PBX3: variants seen among roughly 807,000 people sequenced by gnomAD.
PBX3 encodes PBX homeobox 3.
Under a neutral mutation model 48.5 loss-of-function variants are expected in PBX3, and 14 were observed. The ratio of observed to expected loss-of-function variants is 0.29; its 90% CI spans 0.19 to 0.45. The LOEUF is 0.45. Among genes scored for constraint, PBX3 ranks in the 20% least tolerant of loss-of-function variants. PBX3 has a pLI of 1.00. For synonymous variants in PBX3, 210 were observed against 200.3 expected (o/e 1.05, Z -0.41); for missense variants, 386 against 546.7 (o/e 0.71, Z 2.93).
At chr9:125,929,905 A>AT in intron 4 of PBX3, 60 bp downstream of exon 4, 1 of 1,316,428 alleles carries the variant, frequency 7.6e-7, no homozygotes, top group Non-Finnish European at 1.1e-6. Context: ...CTTGTGTATT[A>AT]TTTTCTGTAA....
intron 7 of PBX3, among the ~76,000 whole-genome samples, 156 bp downstream of exon 7, chr9:125,962,370 A>G (rs1374623017): frequency 6.6e-6 from 1 of 152,222 alleles, no homozygotes; most frequent in Non-Finnish European, 1.5e-5. Flanking sequence ...TAATTTAATG[A>G]GAAGTCAAGT....
chr9:125,760,380 C>T (rs190809192), intron 2 of PBX3, among the ~76,000 whole-genome samples: 71 of 151,458 alleles, frequency 4.7e-4, no homozygotes, highest in Non-Finnish European at 8.2e-4. Flanking sequence ...CAGGAAAATA[C>T]TGTTTGTGTA....
intron 3 of PBX3, among the ~76,000 whole-genome samples, chr9:125,928,526 C>T (rs534157238): frequency 3.1e-4 from 47 of 150,412 alleles, no homozygotes; most frequent in East Asian, 9.8e-4. Flanking sequence ...AGTGCAGTGG[C>T]GCGATCTCGG....
chr9:125,881,398 G>T (rs545787891), intron 2 of PBX3, among the ~76,000 whole-genome samples: 2 of 152,286 alleles, frequency 1.3e-5, no homozygotes, highest in Admixed American at 1.3e-4. Context: ...CTGACTCTAG[G>T]ATAGGAGTAT....
chr9:125,835,840 C>T (rs763817316), intron 2 of PBX3, among the ~76,000 whole-genome samples: 1 of 152,100 alleles, frequency 6.6e-6, no homozygotes, highest in Non-Finnish European at 1.5e-5. Flanking sequence ...TGGTAATCAC[C>T]CTGCTGGGCA....
chr9:125,748,001 C>G (rs931992793), intron 1 of PBX3, among the ~76,000 whole-genome samples: 1 of 151,718 alleles, frequency 6.6e-6, no homozygotes, highest in African/African-American at 2.4e-5. Context: ...ACTTTCTCCT[C>G]CGGCGGGGAG....
intron 2 of PBX3, among the ~76,000 whole-genome samples, chr9:125,793,210 G>A (rs1837663072): frequency 6.6e-6 from 1 of 150,470 alleles, no homozygotes; most frequent in South Asian, 2.1e-4. Context: ...AAATTAGCCA[G>A]GCGTGGTGGT....
intron 2 of PBX3, among the ~76,000 whole-genome samples, chr9:125,751,316 T>A (rs190278232): frequency 0.014 from 2,073 of 152,186 alleles, 16 homozygotes; most frequent in South Asian, 0.017. Flanking sequence ...AAAATCATTT[T>A]AAAAAAAATC....
At chr9:125,876,600 G>T (rs1840253161) in intron 2 of PBX3, among the ~76,000 whole-genome samples, 1 of 152,032 alleles carries the variant, frequency 6.6e-6, no homozygotes, top group Admixed American at 6.5e-5. Context: ...TCCAAAATAG[G>T]TGTTAATCGA....
At chr9:125,794,006 A>G (rs1419598025) in intron 2 of PBX3, among the ~76,000 whole-genome samples, 3 of 152,180 alleles carry the variant, frequency 2.0e-5, no homozygotes, top group South Asian at 2.1e-4. Context: ...GTGTGATAAC[A>G]TTTTTAATCT....
At chr9:125,777,893 C>T (rs1213675419) in intron 2 of PBX3, among the ~76,000 whole-genome samples, 1 of 151,434 alleles carries the variant, frequency 6.6e-6, no homozygotes, top group Non-Finnish European at 1.5e-5. Flanking sequence ...CTCTCATAAT[C>T]CATTTTATTT....
intron 2 of PBX3, among the ~76,000 whole-genome samples, chr9:125,765,922 T>A (rs190023109): frequency 2.0e-4 from 30 of 152,278 alleles, no homozygotes; most frequent in Admixed American, 1.5e-3. Context: ...TTAAAAGGGC[T>A]TGTTCTTATT....
At chr9:125,951,123 C>T (rs960892032) in intron 5 of PBX3, among the ~76,000 whole-genome samples, 1 of 152,122 alleles carries the variant, frequency 6.6e-6, no homozygotes, top group African/African-American at 2.4e-5. Flanking sequence ...TGCAAAGTTC[C>T]TAGTACAGAG....
rs1164827342 is a variant in PBX3 at position 125,780,022 on chromosome 9, C to A, written c.274+31399C>A. On this transcript the variant is annotated intron_variant, in intron 2 of 8. Coordinates refer to ENST00000373489, the MANE Select transcript of PBX3 (RefSeq NM_006195.6). The stretch of plus-strand genomic sequence containing the variant: ...CCCAGTAGGGGCAGCCGGGCAGAGG[C>A]GCCCCTCACCTCCCGGACGGGGCGG... Among the ~76,000 whole-genome samples the A allele has an allele frequency of 4.0e-3, 543 of 135,970 alleles. 8 individuals are homozygous for A. The East Asian group carries it at 0.047, about 12-fold the overall frequency. The allele number at this position is 135,970 out of a possible 152,430, so 89.2% of individuals were successfully genotyped here.
intron 2 of PBX3, among the ~76,000 whole-genome samples, chr9:125,801,678 T>A (rs2132095408): frequency 1.3e-5 from 2 of 152,256 alleles, no homozygotes; most frequent in South Asian, 4.1e-4. Context: ...TCTTTTTGTA[T>A]TTGAAACTGG....
At chr9:125,837,745 C>A (rs932674473) in intron 2 of PBX3, among the ~76,000 whole-genome samples, 1 of 152,098 alleles carries the variant, frequency 6.6e-6, no homozygotes, top group Non-Finnish European at 1.5e-5. Flanking sequence ...CACCTGCCAC[C>A]ATGCCCGGCT....
At chr9:125,840,942 A>G (rs781431879) in intron 2 of PBX3, among the ~76,000 whole-genome samples, 5 of 152,124 alleles carry the variant, frequency 3.3e-5, no homozygotes, top group Admixed American at 6.6e-5. Context: ...TTAAGTCTCC[A>G]TAGAGTCTTA....
chr9:125,779,261 T>TA (rs1276984114), intron 2 of PBX3, among the ~76,000 whole-genome samples: 44 of 145,232 alleles, frequency 3.0e-4, no homozygotes, highest in African/African-American at 6.2e-4. Context: ...TTTTTTTTTT[T>TA]AATTTTTATT....
chr9:125,757,508 C>T (rs1836551137), intron 2 of PBX3, among the ~76,000 whole-genome samples: 1 of 152,056 alleles, frequency 6.6e-6, no homozygotes. Flanking sequence ...ACTGTTGGTC[C>T]ATTAAAAGAT....
Sources: gnomAD v4.1 joint callset for allele counts (sites outside exome capture counted in the v4.1 genomes callset) on GRCh38, gnomAD v4.1.1 for gene constraint, MANE v1.5 for transcripts, NCBI Gene and HGNC (gene_info 2026-07-23, HGNC 2026-07-21) for gene names.